The following SLC23A1 variants were observed in gnomAD, a reference collection of about 807,000 sequenced individuals.
SLC23A1 encodes solute carrier family 23 member 1.
A neutral mutation model predicts 62.5 loss-of-function variants in SLC23A1; 31 were observed. The ratio of observed to expected loss-of-function variants is 0.50; its 90% CI spans 0.37 to 0.67. The LOEUF is 0.67. SLC23A1 is among the 30% of genes least tolerant of loss of function. SLC23A1 has a pLI of 0.00. For synonymous variants in SLC23A1, 271 were observed against 313.2 expected, an observed-to-expected ratio of 0.87 and a Z score of 1.42; for missense variants, 640 against 782.7, an observed-to-expected ratio of 0.82 and a Z score of 2.18.
chr5:139,372,872 T>C (rs1757751495), intron 13 of SLC23A1, among the ~76,000 whole-genome samples: 2 of 152,158 alleles, frequency 1.3e-5, no homozygotes. Context: ...CGTGAGCCAC[T>C]GTGCCCGGCC....
rs1015552339 is a variant in SLC23A1 at position 139,367,493 on chromosome 5, T to C, written c.*158A>G. On this transcript the variant is annotated 3_prime_UTR_variant, in exon 15 of 15. Transcript: ENST00000348729. The stretch of plus-strand genomic sequence containing the variant: ...TCCCCCCCACCCCTTTTTTTTTAAC[T>C]GATGCAAAAATTTGAATCCCAGAGA... 1.3e-5 allele frequency: 2 copies of C among 151,848 alleles called. No individual in the cohort carries two copies. The highest frequency in any genetic ancestry group is 1.5e-5 in the Non-Finnish European group (1 of 67,958). 9.4% of individuals were successfully genotyped at this position (151,848 alleles called of 1,614,324 possible).
chr5:139,382,769 C>T (rs2152073462), intron 1 of SLC23A1, among the ~76,000 whole-genome samples, 164 bp from the exon 2 acceptor site: 1 of 152,310 alleles, frequency 6.6e-6, no homozygotes, highest in Admixed American at 6.5e-5. Context: ...TTGGCCTGGC[C>T]ACAGTTTTCT....
chr5:139,382,264 C>T (rs756585197), intron 2 of SLC23A1: 17 of 605,300 alleles, frequency 2.8e-5, no homozygotes, highest in East Asian at 5.5e-5. Flanking sequence ...TCCGTGGAGT[C>T]GGCTCTGCTC....
In SLC23A1 at chr5:139,371,542, T is replaced by C. The variant is rs374569053; in HGVS notation, c.*19+445A>G. On this transcript the variant is annotated intron_variant, in intron 14 of 14. Coordinates refer to ENST00000348729, the MANE Select transcript of SLC23A1 (RefSeq NM_005847.5). ...AAAGGGTTTTAATTTTATGACGTTATTGAGACAAGGCAGTGTATATGAGAG... is the reference window on the plus strand; with the variant it reads ...AAAGGGTTTTAATTTTATGACGTTACTGAGACAAGGCAGTGTATATGAGAG... 4.6e-5 allele frequency among the ~76,000 whole-genome samples: 7 copies of C among 152,382 alleles called. No individual in the cohort carries two copies. In the East Asian group the frequency reaches 1.2e-3, roughly 25 times the overall value.
intron 13 of SLC23A1, among the ~76,000 whole-genome samples, chr5:139,373,644 T>G (rs1238599263): frequency 1.3e-5 from 2 of 152,088 alleles, no homozygotes; most frequent in African/African-American, 4.8e-5. Flanking sequence ...AACCCATGAG[T>G]AGCACAAACC....
chr5:139,371,282 T>C (rs1561970596), intron 14 of SLC23A1, among the ~76,000 whole-genome samples: 1 of 152,234 alleles, frequency 6.6e-6, no homozygotes, highest in Non-Finnish European at 1.5e-5. Flanking sequence ...TTATTTTTAC[T>C]ATTAAGGAGT....
intron 3 of SLC23A1, among the ~76,000 whole-genome samples, chr5:139,381,257 G>A (rs892179579): frequency 2.0e-5 from 3 of 152,210 alleles, no homozygotes; most frequent in Admixed American, 6.5e-5. Context: ...CTGTGCACTC[G>A]GGAGCGTGGG....
intron 13 of SLC23A1, among the ~76,000 whole-genome samples, chr5:139,373,946 C>G (rs1173385456): frequency 1.3e-5 from 2 of 152,206 alleles, no homozygotes. Flanking sequence ...GACCAGTCAG[C>G]CTGCCCACTA....
chr5:139,378,380 C>A lies in SLC23A1; in HGVS notation c.1180-29G>T, dbSNP rs754713230. The A allele has an allele frequency of 8.4e-6, 13 of 1,549,730 alleles. No individual in the cohort carries two copies. Among genetic ancestry groups the A allele is most frequent in the Non-Finnish European group, 1.1e-5 (13 of 1,146,802 alleles). On this transcript the variant is annotated intron_variant, in intron 10 of 14. Coordinates refer to ENST00000348729, the MANE Select transcript of SLC23A1 (RefSeq NM_005847.5). The surrounding 1 kb of genome is among the most constrained non-coding windows in gnomAD (Gnocchi z 4.5). ...CCGGGGAGCCAGCGGGGAAGCTAGACCTGGGGACGAGGCTGGGGCGGGGTT... is the reference window on the plus strand; with the variant it reads ...CCGGGGAGCCAGCGGGGAAGCTAGAACTGGGGACGAGGCTGGGGCGGGGTT...
upstream of SLC23A1, chr5:139,384,475 A>C: frequency 7.8e-7 from 1 of 1,289,836 alleles, no homozygotes; most frequent in East Asian, 5.6e-5. Context: ...GCCGGTGTCC[A>C]CACTGTTCCT....
Position 139,378,624 on chromosome 5 carries a change from C to A in SLC23A1, c.1134G>T (p.Gly378=), listed in dbSNP as rs752378954. The A allele has an allele frequency of 1.2e-6, 2 of 1,612,102 alleles. No homozygotes were observed. Reference sequence around the variant, plus strand: ...CAATGTTGGGACTGGACGAGGTGGACCCGTTGCCCGTGCCCAATAGCCCCG... The same window carrying A: ...CAATGTTGGGACTGGACGAGGTGGAACCGTTGCCCGTGCCCAATAGCCCCG... The part of the protein sequence containing the change: ...IIAGLLGTGN[G]STSSSPNIGV... Residue 378 remains glycine (G), a synonymous_variant, in exon 10 of 15, where the codon GGG becomes GGT. Transcript: ENST00000348729. This position sits in a 1 kb window ranked among gnomAD's most constrained non-coding sequence, Gnocchi z 4.5.
Position 139,381,922 on chromosome 5 carries a change from G to A in SLC23A1, c.278C>T (p.Thr93Ile). 2.5e-6 allele frequency: 4 copies of A among 1,573,020 alleles called. 1 individual carries two copies. The South Asian group carries it at 3.5e-5, about 14-fold the overall frequency. Residue 93 changes from threonine to isoleucine, a missense_variant, in exon 3 of 15, where the codon ACC becomes ATC. Coordinates refer to ENST00000348729, the MANE Select transcript of SLC23A1 (RefSeq NM_005847.5). ...IGTIFTCVGI[T>I]TLIQTTVGIR... ...GCCCACGGTGGTCTGGATGAGAGTG[G>A]TGATGCCCACGCACGTGAAGATGGT...
intron 2 of SLC23A1, 74 bp downstream of exon 2, chr5:139,382,418 C>T (rs757669293): frequency 1.1e-4 from 88 of 821,754 alleles, no homozygotes; most frequent in Non-Finnish European, 1.7e-4. Context: ...CAAGATACTC[C>T]CTGCTGGCCA....
chr5:139,371,758 T>C (rs1757682613), intron 14 of SLC23A1, among the ~76,000 whole-genome samples: 1 of 152,230 alleles, frequency 6.6e-6, no homozygotes, highest in South Asian at 2.1e-4. Context: ...AGCATACTTG[T>C]AGCCTCTTAG....
At chr5:139,385,283 G>C (rs1437280777), upstream of SLC23A1, among the ~76,000 whole-genome samples, 1 of 152,248 alleles carries the variant, frequency 6.6e-6, no homozygotes, top group Non-Finnish European at 1.5e-5. Flanking sequence ...TGGTGCCACC[G>C]ATCTCCAGTT....
chr5:139,383,183 T>TC, intron 1 of SLC23A1, 35 bp downstream of exon 1: 1 of 218,372 alleles, frequency 4.6e-6, no homozygotes. Context: ...CCACCCCCCC[T>TC]GCCCCCCCTA....
At chr5:139,372,435 A>C (rs1017196009) in intron 13 of SLC23A1, among the ~76,000 whole-genome samples, 182 bp from the exon 14 acceptor site, 1 of 152,234 alleles carries the variant, frequency 6.6e-6, no homozygotes, top group Non-Finnish European at 1.5e-5. Flanking sequence ...TCTAAGGAAC[A>C]CTAAAGGATA....
Position 139,381,874 on chromosome 5 carries a change from G to T in SLC23A1, c.308+18C>A. The T allele has an allele frequency of 1.3e-6, 2 of 1,547,542 alleles. No individual in the cohort carries two copies. The highest frequency in any genetic ancestry group is 2.4e-5 in the East Asian group (1 of 41,006). On this transcript the variant is annotated intron_variant, in intron 3 of 14. Coordinates refer to ENST00000348729, the MANE Select transcript of SLC23A1 (RefSeq NM_005847.5). ...TGGAGGGGTGGCGGGGGACGGGTTGGGGGGCTGGGCGGCTCACCGGATGCC... is the reference window on the plus strand; with the variant it reads ...TGGAGGGGTGGCGGGGGACGGGTTGTGGGGCTGGGCGGCTCACCGGATGCC...
rs116568437 is a variant in SLC23A1, at chr5:139,377,569, G to A, written c.1454-72C>T. On this transcript the variant is annotated intron_variant, in intron 12 of 14. Transcript: ENST00000348729. Reference sequence around the variant, plus strand: ...GAGCAGAGTTGAGGGACTTCCTCTTGTGCAGCTATGGCAAAGGAACAGTAC... The same window carrying A: ...GAGCAGAGTTGAGGGACTTCCTCTTATGCAGCTATGGCAAAGGAACAGTAC... 5.8e-4 allele frequency: 475 copies of A among 818,056 alleles called. 1 individual carries two copies. The highest frequency in any genetic ancestry group is 8.8e-4 in the Admixed American group (49 of 55,454). 50.7% of individuals were successfully genotyped at this position (818,056 alleles called of 1,614,324 possible).
Sources: allele counts gnomAD v4.1 joint callset (sites outside exome capture counted in the v4.1 genomes callset), GRCh38; gene constraint gnomAD v4.1.1; non-coding constraint Gnocchi (gnomAD v3.1); transcripts MANE v1.5; gene names NCBI Gene and HGNC (gene_info 2026-07-23, HGNC 2026-07-21).